RPTOR: variants seen among roughly 807,000 people sequenced by gnomAD.
RPTOR encodes regulatory-associated protein of mTOR.
RPTOR carries 21 observed loss-of-function variants against 169.9 expected under a neutral mutation model. The ratio of observed to expected loss-of-function variants is 0.12; its 90% CI spans 0.09 to 0.18. The LOEUF (loss-of-function observed/expected upper bound fraction) is 0.18. Ranked by LOEUF, RPTOR falls within the 10% of genes least tolerant of loss-of-function variation. The pLI is 1.00. For synonymous variants in RPTOR, 732 were observed against 753.2 expected (o/e 0.97, Z 0.46); for missense variants, 1,133 against 1,855.9 (o/e 0.61, Z 7.16).
At chr17:80,666,890 G>C (rs764097085) in intron 3 of RPTOR, among the ~76,000 whole-genome samples, 1 of 152,154 alleles carries the variant, frequency 6.6e-6, no homozygotes. Context: ...ATTACTGCCC[G>C]TGTCCTCTGA....
Position 80,651,626 on chromosome 17 carries a change from A to G in RPTOR, c.348+7816A>G, listed in dbSNP as rs1444158352. Among the ~76,000 whole-genome samples, 1 of 151,550 alleles carries G rather than the reference A, an allele frequency of 6.6e-6. No homozygotes were observed. The highest frequency in any genetic ancestry group is 1.5e-5 in the Non-Finnish European group (1 of 67,878). On this transcript the variant is annotated intron_variant, in intron 3 of 33. Coordinates refer to ENST00000306801, the MANE Select transcript of RPTOR (RefSeq NM_020761.3). The surrounding 1 kb of genome is among the most constrained non-coding windows in gnomAD (Gnocchi z 4.1). ...CTGGGCGCAGTGGCTCGCGCCTGTA[A>G]TCCTAGCACTTTGGGAGGCCGAGGT...
At chr17:80,879,750 C>T (rs961544397) in intron 13 of RPTOR, among the ~76,000 whole-genome samples, 1 of 152,182 alleles carries the variant, frequency 6.6e-6, no homozygotes, top group Non-Finnish European at 1.5e-5. Flanking sequence ...TAGGTCCTCA[C>T]GACTGAGGCG....
At chr17:80,729,923 G>A (rs571246445) in intron 4 of RPTOR, among the ~76,000 whole-genome samples, 37 of 152,344 alleles carry the variant, frequency 2.4e-4, no homozygotes, top group African/African-American at 8.2e-4. Flanking sequence ...AACTGAGACA[G>A]CTCTGGTTCC....
chr17:80,590,723 G>A (rs117117100), intron 1 of RPTOR, among the ~76,000 whole-genome samples: 4,203 of 152,348 alleles, frequency 0.028, 89 homozygotes, highest in South Asian at 0.063. Context: ...TCTGGGTTTG[G>A]TTTAATATTT....
chr17:80,606,309 CTTTTTTTT>C (rs56331722), intron 1 of RPTOR, among the ~76,000 whole-genome samples: 8 of 123,862 alleles, frequency 6.5e-5, no homozygotes, highest in African/African-American at 2.1e-4. Context: ...GGTGCCTGGC[CTTTTTTTT>C]TTTTTTTTTT....
intron 1 of RPTOR, among the ~76,000 whole-genome samples, chr17:80,589,853 T>C (rs2065090466): frequency 1.3e-5 from 2 of 152,228 alleles, no homozygotes; most frequent in East Asian, 3.8e-4. Flanking sequence ...TGGTCTTCTG[T>C]AAATAATGAC....
intron 9 of RPTOR, among the ~76,000 whole-genome samples, chr17:80,835,925 A>C (rs1405189487): frequency 6.6e-6 from 1 of 152,010 alleles, no homozygotes; most frequent in East Asian, 1.9e-4. Flanking sequence ...TCCAGTTGAG[A>C]GTTCATGTTG....
At chr17:80,813,636 C>T (rs1163589545) in intron 7 of RPTOR, among the ~76,000 whole-genome samples, 1 of 152,148 alleles carries the variant, frequency 6.6e-6, no homozygotes, top group Non-Finnish European at 1.5e-5. Flanking sequence ...CCTGGATTTT[C>T]AAAAGAATTA....
chr17:80,738,760 G>T (rs187029340), intron 5 of RPTOR, among the ~76,000 whole-genome samples: 2 of 152,158 alleles, frequency 1.3e-5, no homozygotes, highest in African/African-American at 4.8e-5. Flanking sequence ...TGCTCAGGAA[G>T]GATCTATAGA....
At chr17:80,729,573 G>T (rs1366333585) in intron 4 of RPTOR, among the ~76,000 whole-genome samples, 1 of 152,160 alleles carries the variant, frequency 6.6e-6, no homozygotes, top group Admixed American at 6.5e-5. Flanking sequence ...CTAGGTTATT[G>T]TTCTGTGACT....
intron 13 of RPTOR, among the ~76,000 whole-genome samples, chr17:80,868,579 A>G (rs1225000784): frequency 6.6e-6 from 1 of 152,208 alleles, no homozygotes; most frequent in Admixed American, 6.5e-5. Context: ...AGTTTCTTAT[A>G]AAGATTAGCA....
intron 1 of RPTOR, among the ~76,000 whole-genome samples, chr17:80,597,448 C>T (rs2065152223): frequency 6.6e-6 from 1 of 152,136 alleles, no homozygotes; most frequent in South Asian, 2.1e-4. Flanking sequence ...GAATCTCAAC[C>T]TTATATTGTA....
Position 80,693,581 on chromosome 17 carries a change from G to A in RPTOR, c.349-14260G>A, listed in dbSNP as rs1011551544. Reference sequence around the variant, plus strand: ...TTTCACGTAACTCTGCCCTTACTGGGCAGACACGTGTTGAGAACATTACGA... The same window carrying A: ...TTTCACGTAACTCTGCCCTTACTGGACAGACACGTGTTGAGAACATTACGA... On this transcript the variant is annotated intron_variant, in intron 3 of 33. Coordinates refer to ENST00000306801, the MANE Select transcript of RPTOR (RefSeq NM_020761.3). Among the ~76,000 whole-genome samples the A allele has an allele frequency of 2.0e-5, 3 of 152,182 alleles. 1 individual carries two copies. The highest frequency in any genetic ancestry group is 2.0e-4 in the Admixed American group (3 of 15,290).
chr17:80,546,669 T>G (rs771124125), intron 1 of RPTOR, among the ~76,000 whole-genome samples: 1 of 152,196 alleles, frequency 6.6e-6, no homozygotes, highest in Non-Finnish European at 1.5e-5. Flanking sequence ...AAAGAGGAAG[T>G]TGGTGTTACA....
chr17:80,649,447 G>A (rs895951978), intron 3 of RPTOR, among the ~76,000 whole-genome samples: 1 of 152,040 alleles, frequency 6.6e-6, no homozygotes, highest in African/African-American at 2.4e-5. Context: ...AAACTCACCT[G>A]ACTTTCTTCT....
intron 7 of RPTOR, among the ~76,000 whole-genome samples, chr17:80,815,700 C>A (rs537123580): frequency 6.6e-6 from 1 of 152,192 alleles, no homozygotes; most frequent in Non-Finnish European, 1.5e-5. Flanking sequence ...GGAACAATGG[C>A]GGGTAATAAA....
At chr17:80,795,791 G>A (rs562499428) in intron 7 of RPTOR, among the ~76,000 whole-genome samples, 4 of 152,024 alleles carry the variant, frequency 2.6e-5, no homozygotes, top group Non-Finnish European at 5.9e-5. Context: ...GACACCACTC[G>A]GCTCTCATCG....
intron 5 of RPTOR, among the ~76,000 whole-genome samples, chr17:80,734,342 C>T (rs1275020012): frequency 6.6e-6 from 1 of 152,204 alleles, no homozygotes; most frequent in Non-Finnish European, 1.5e-5. Flanking sequence ...AGCTGGCTCC[C>T]CTTTGTAATT....
intron 5 of RPTOR, among the ~76,000 whole-genome samples, chr17:80,731,240 A>G (rs1236311506): frequency 6.6e-6 from 1 of 152,172 alleles, no homozygotes; most frequent in Admixed American, 6.5e-5. Flanking sequence ...TAATCCAAAC[A>G]TTAATTGATA....
Sources: gnomAD v4.1 joint callset for allele counts (sites outside exome capture counted in the v4.1 genomes callset) on GRCh38, gnomAD v4.1.1 for gene constraint, Gnocchi (gnomAD v3.1) non-coding constraint, MANE v1.5 for transcripts, NCBI Gene and HGNC (gene_info 2026-07-23, HGNC 2026-07-21) for gene names.